Variants in NRG3 observed in about 807,000 individuals in gnomAD.
The protein encoded by NRG3 is neuregulin 3, also known as pro-neuregulin-3, membrane-bound isoform.
A neutral mutation model predicts 66.9 loss-of-function variants in NRG3; 31 were observed. The ratio of observed to expected loss-of-function variants is 0.46; its 90% CI spans 0.35 to 0.63. NRG3 has a LOEUF of 0.63. NRG3 is among the 20% of genes least tolerant of loss of function. NRG3 has a pLI of 0.00. For missense variants in NRG3, 910 were observed against 878.9 expected (o/e 1.04, Z -0.45); for synonymous variants, 393 against 359.4 (o/e 1.09, Z -1.06).
intron 2 of NRG3, among the ~76,000 whole-genome samples, chr10:82,540,001 T>G (rs1181364461): frequency 6.6e-6 from 1 of 152,218 alleles, no homozygotes; most frequent in Non-Finnish European, 1.5e-5. Context: ...GGTCTCCCTT[T>G]GTAGAGAAAC....
At chr10:82,000,211 TA>T (rs1185705878) in intron 1 of NRG3, among the ~76,000 whole-genome samples, 2 of 152,246 alleles carry the variant, frequency 1.3e-5, no homozygotes, top group African/African-American at 4.8e-5. Context: ...CAATAAAATT[TA>T]AGTAGCATAG....
intron 1 of NRG3, among the ~76,000 whole-genome samples, chr10:82,315,415 A>C (rs2081241980): frequency 6.6e-6 from 1 of 152,238 alleles, no homozygotes; most frequent in African/African-American, 2.4e-5. Context: ...AATATGGGCA[A>C]AACTACATTT....
intron 1 of NRG3, among the ~76,000 whole-genome samples, chr10:82,110,356 G>C (rs2067313826): frequency 1.3e-5 from 2 of 152,262 alleles, no homozygotes; most frequent in South Asian, 4.1e-4. Flanking sequence ...CAGGAGACCA[G>C]ATTGTATAAA....
chr10:82,482,746 G>A (rs1842378589), intron 2 of NRG3, among the ~76,000 whole-genome samples: 1 of 152,174 alleles, frequency 6.6e-6, no homozygotes, highest in South Asian at 2.1e-4. Flanking sequence ...GAAGCACAGG[G>A]ATAGTCATCT....
intron 1 of NRG3, among the ~76,000 whole-genome samples, chr10:81,989,319 A>C (rs542183157): frequency 6.6e-6 from 1 of 152,260 alleles, no homozygotes; most frequent in African/African-American, 2.4e-5. Flanking sequence ...ATAGATAGTT[A>C]GAGTTAGTGT....
chr10:81,942,182 GA>G (rs1848459574), intron 1 of NRG3, among the ~76,000 whole-genome samples: 1 of 152,078 alleles, frequency 6.6e-6, no homozygotes, highest in Non-Finnish European at 1.5e-5. Context: ...CTCCAACCCA[GA>G]ATTCAAATTT....
At chr10:81,897,051 T>C (rs1179926143) in intron 1 of NRG3, among the ~76,000 whole-genome samples, 1 of 152,120 alleles carries the variant, frequency 6.6e-6, no homozygotes, top group Non-Finnish European at 1.5e-5. Context: ...GCTGAGGTCA[T>C]GGTAGTTGAA....
chr10:82,052,183 G>A (rs1042990501), intron 1 of NRG3, among the ~76,000 whole-genome samples: 11 of 151,648 alleles, frequency 7.3e-5, no homozygotes, highest in Non-Finnish European at 1.6e-4. Flanking sequence ...GGGCACTGCA[G>A]TGAAAAAAAG....
At chr10:82,051,193 G>T (rs2063574311) in intron 1 of NRG3, among the ~76,000 whole-genome samples, 2 of 152,074 alleles carry the variant, frequency 1.3e-5, no homozygotes, top group African/African-American at 4.8e-5. Flanking sequence ...AAAAGCTACA[G>T]ATAAAAGGAC....
intron 1 of NRG3, among the ~76,000 whole-genome samples, chr10:81,918,968 T>TAA (rs773099679): frequency 0.21 from 29,059 of 139,450 alleles, 3,573 homozygotes; most frequent in East Asian, 0.47. Flanking sequence ...TATTGCATCA[T>TAA]AACAAAACAC....
intron 4 of NRG3, among the ~76,000 whole-genome samples, chr10:82,929,781 C>T (rs1296334088): frequency 6.7e-6 from 1 of 149,138 alleles, no homozygotes; most frequent in Non-Finnish European, 1.5e-5. Context: ...GTGGCTGAGG[C>T]AGGAGAATTG....
intron 3 of NRG3, among the ~76,000 whole-genome samples, chr10:82,784,932 A>G (rs2060281776): frequency 6.6e-6 from 1 of 152,216 alleles, no homozygotes; most frequent in African/African-American, 2.4e-5. Context: ...ACTATTCACA[A>G]TAGCAAAGAC....
chr10:82,128,994 A>T (rs567232932), intron 1 of NRG3, among the ~76,000 whole-genome samples: 1 of 151,700 alleles, frequency 6.6e-6, no homozygotes, highest in African/African-American at 2.4e-5. Context: ...GCTCACTGCA[A>T]CCTCGCCTCT....
chr10:82,538,775 C>T (rs999701022), intron 2 of NRG3, among the ~76,000 whole-genome samples: 2 of 152,034 alleles, frequency 1.3e-5, no homozygotes, highest in African/African-American at 4.8e-5. Flanking sequence ...TAAACTATTA[C>T]CTTCGAGGCC....
At chr10:82,535,128 C>T (rs1049570332) in intron 2 of NRG3, among the ~76,000 whole-genome samples, 16 of 149,280 alleles carry the variant, frequency 1.1e-4, no homozygotes, top group African/African-American at 4.0e-4. Context: ...GCACTCCAGC[C>T]TGGATGACAG....
intron 4 of NRG3, among the ~76,000 whole-genome samples, chr10:82,888,348 G>T (rs1168973180): frequency 1.3e-5 from 2 of 152,122 alleles, no homozygotes; most frequent in Non-Finnish European, 2.9e-5. Context: ...TATGTTGAGG[G>T]ATTCCTGGGT....
chr10:82,222,354 G>T (rs910277190), intron 1 of NRG3, among the ~76,000 whole-genome samples: 1 of 122,764 alleles, frequency 8.1e-6, no homozygotes, highest in African/African-American at 3.2e-5. Context: ...GAGAACTCAG[G>T]AGAAGTGTAA....
At chr10:82,209,690 G>T (rs1263820030) in intron 1 of NRG3, among the ~76,000 whole-genome samples, 2 of 152,114 alleles carry the variant, frequency 1.3e-5, no homozygotes, top group African/African-American at 2.4e-5. Flanking sequence ...GGTTTTTAGG[G>T]CAATTCAAGT....
chr10:82,321,301 T>TCGG (rs1554884193), intron 1 of NRG3, among the ~76,000 whole-genome samples: 4 of 137,950 alleles, frequency 2.9e-5, no homozygotes, highest in African/African-American at 1.1e-4. Context: ...GTGGCAGGGG[T>TCGG]GGGGGTGGGG....
Sources: allele counts gnomAD v4.1 joint callset (sites outside exome capture counted in the v4.1 genomes callset), GRCh38; gene constraint gnomAD v4.1.1; transcripts MANE v1.5; gene names NCBI Gene and HGNC (gene_info 2026-07-23, HGNC 2026-07-21).